Variants in TLR1 observed in about 807,000 individuals in gnomAD.
The protein encoded by TLR1 is toll-like receptor 1.
Under a neutral mutation model 20.2 loss-of-function variants are expected in TLR1, and 19 were observed. The observed-to-expected ratio is 0.94, with a 90% CI of 0.66 to 1.38. TLR1 has a LOEUF of 1.38. Ranked by LOEUF, TLR1 falls within the 40% of genes most tolerant of loss-of-function variation. The pLI, the probability that TLR1 is intolerant of heterozygous loss-of-function variation, is 0.00. For synonymous variants in TLR1, 320 were observed against 334.5 expected, an observed-to-expected ratio of 0.96 and a Z score of 0.47; for missense variants, 921 against 910.0, an observed-to-expected ratio of 1.01 and a Z score of -0.16.
At chr4:38,794,164 A>T (rs1241244918), downstream of TLR1, among the ~76,000 whole-genome samples, 4 of 152,238 alleles carry the variant, frequency 2.6e-5, no homozygotes, top group African/African-American at 9.6e-5. Context: ...AAACGAATAC[A>T]TAACTGCTTG....
chr4:38,795,210 G>A (rs1385273582), downstream of TLR1, among the ~76,000 whole-genome samples: 1 of 152,222 alleles, frequency 6.6e-6, no homozygotes, highest in Non-Finnish European at 1.5e-5. Flanking sequence ...GTTTGTGCAT[G>A]TATCAGAATG....
chr4:38,788,746 T>G (rs574466215), downstream of TLR1, among the ~76,000 whole-genome samples: 1 of 152,274 alleles, frequency 6.6e-6, no homozygotes, highest in African/African-American at 2.4e-5. Flanking sequence ...CAGTGACTCG[T>G]GTGTAATCCC....
chr4:38,800,165 T>C (rs1297961764), intron 3 of TLR1, among the ~76,000 whole-genome samples: 2 of 152,154 alleles, frequency 1.3e-5, no homozygotes, highest in Admixed American at 1.3e-4. Flanking sequence ...ACAGCATTTC[T>C]GGCAAAAGAA....
At chr4:38,788,979 A>T (rs1725659598), downstream of TLR1, among the ~76,000 whole-genome samples, 1 of 152,204 alleles carries the variant, frequency 6.6e-6, no homozygotes, top group Non-Finnish European at 1.5e-5. Context: ...GCACTCCAGC[A>T]CAAGTGGCAC....
In TLR1 at chr4:38,797,811, T is replaced by TGTG; in HGVS notation, c.1018_1020dup (p.His340dup). The TGTG allele has an allele frequency of 6.2e-7, 1 of 1,614,192 alleles. No homozygotes were observed. The highest frequency in any genetic ancestry group is 8.5e-7 in the Non-Finnish European group (1 of 1,180,006). On this transcript the variant is annotated inframe_insertion, in exon 4 of 4. Transcript: ENST00000308979. ...GGGCTAATTTTGGATGGGCAAAGCATGTGGACCATGCGTGTACCAGACACT... is the reference window on the plus strand; with the variant it reads ...GGGCTAATTTTGGATGGGCAAAGCATGTGGTGGACCATGCGTGTACCAGACACT...
downstream of TLR1, among the ~76,000 whole-genome samples, chr4:38,788,075 C>A (rs1579190233): frequency 1.3e-5 from 2 of 151,682 alleles, no homozygotes; most frequent in South Asian, 2.1e-4. Context: ...ATATGTGTAT[C>A]TATTAGAAGT....
In TLR1 at chr4:38,797,785, C is replaced by G; in HGVS notation, c.1047G>C (p.Pro349=). 1.2e-6 allele frequency: 2 copies of G among 1,614,098 alleles called. No homozygotes were observed. Among genetic ancestry groups the G allele is most frequent in the Non-Finnish European group, 1.7e-6 (2 of 1,180,002 alleles). Residue 349 remains proline, a synonymous_variant, in exon 4 of 4, where the codon CCG becomes CCC. Transcript: ENST00000308979. ...TATTGGAAAAATCCAAATGCAGGAA[C>G]GGGCTAATTTTGGATGGGCAAAGCA... The part of the protein sequence containing the change: ...VHMLCPSKIS[P]FLHLDFSNNL...
chr4:38,788,607 C>G (rs1047193229), downstream of TLR1, among the ~76,000 whole-genome samples: 1 of 152,156 alleles, frequency 6.6e-6, no homozygotes, highest in Non-Finnish European at 1.5e-5. Context: ...CTAGAGCCAG[C>G]TTATACCAGC....
downstream of TLR1, among the ~76,000 whole-genome samples, chr4:38,789,980 C>G (rs1345961155): frequency 6.6e-6 from 1 of 152,092 alleles, no homozygotes; most frequent in Non-Finnish European, 1.5e-5. Context: ...TGTTAGTTTT[C>G]AATGCTTCTA....
intron 2 of TLR1, among the ~76,000 whole-genome samples, chr4:38,803,813 T>C (rs771875493): frequency 1.3e-5 from 2 of 152,246 alleles, no homozygotes; most frequent in African/African-American, 2.4e-5. Flanking sequence ...AATTTGAAAG[T>C]GTAAAATGCC....
chr4:38,788,379 T>G (rs1355971860), downstream of TLR1, among the ~76,000 whole-genome samples: 1 of 152,206 alleles, frequency 6.6e-6, no homozygotes, highest in African/African-American at 2.4e-5. Flanking sequence ...CTAGGTATTA[T>G]TATAACTTTA....
chr4:38,797,317 T>C lies in TLR1; in HGVS notation c.1515A>G (p.Pro505=), dbSNP rs756702006. 111 of 1,614,164 alleles carry C rather than the reference T, an allele frequency of 6.9e-5. 1 individual carries two copies. In the South Asian group the frequency reaches 1.2e-3, roughly 17 times the overall value. Residue 505 remains proline, a synonymous_variant, in exon 4 of 4, where the codon CCA becomes CCG. Transcript: ENST00000308979. ...GGCAGCTCTGGAAGAAATCAGCCGA[T>C]GGGTGGGAAACTGAATTGTGATCAA... is the stretch of plus-strand genomic sequence containing the variant. ...LIIDHNSVSH[P]SADFFQSCQK...
chr4:38,787,800 C>T (rs183761662), downstream of TLR1, among the ~76,000 whole-genome samples: 178 of 152,260 alleles, frequency 1.2e-3, 1 homozygote, highest in African/African-American at 4.1e-3. Context: ...ATTACACAAA[C>T]AGGACTAGAG....
chr4:38,793,413 C>A (rs571235296), downstream of TLR1, among the ~76,000 whole-genome samples: 1 of 152,266 alleles, frequency 6.6e-6, no homozygotes, highest in Admixed American at 6.5e-5. Context: ...AATTGAAACC[C>A]AGACTTGATT....
chr4:38,797,489 T>A lies in TLR1; in HGVS notation c.1343A>T (p.Lys448Met). 6.2e-7 allele frequency: 1 copy of A among 1,614,194 alleles called. No individual in the cohort carries two copies. Among genetic ancestry groups the A allele is most frequent in the Non-Finnish European group, 8.5e-7 (1 of 1,180,034 alleles). Residue 448 changes from lysine to methionine, a missense_variant, in exon 4 of 4, where the codon AAG becomes ATG. Lys to Met is a moderately conservative substitution (Grantham distance 95). Transcript: ENST00000308979. ...TIFRCLPPRI[K>M]VLDLHSNKIK... ...TTTATTGCTGTGAAGATCAAGTACC[T>A]TGATCCTGGGAGGTAAACATCTGAA...
chr4:38,797,092 A>G lies in TLR1; in HGVS notation c.1740T>C (p.Thr580=). The G allele has an allele frequency of 3.1e-6, 5 of 1,614,210 alleles. No homozygotes were observed. Among genetic ancestry groups the G allele is most frequent in the Non-Finnish European group, 2.5e-6 (3 of 1,180,044 alleles). The change falls in exon 4 of 4, where the codon ACT becomes ACC. Residue 580 remains threonine (T), a synonymous_variant. Coordinates refer to ENST00000308979, the MANE Select transcript of TLR1 (RefSeq NM_003263.4). ...FHMSELSCNI[T]LLIVTIVATM... ...TGGCAACGATGGTGACGATCAGCAG[A>G]GTTATGTTGCAGGATAATTCAGACA... is the stretch of plus-strand genomic sequence containing the variant.
downstream of TLR1, among the ~76,000 whole-genome samples, chr4:38,792,986 T>C (rs1013521771): frequency 1.3e-5 from 2 of 151,886 alleles, no homozygotes; most frequent in Non-Finnish European, 2.9e-5. Flanking sequence ...TCAATTTTGG[T>C]GGAGGTCCCC....
downstream of TLR1, among the ~76,000 whole-genome samples, chr4:38,789,476 T>TTATTC (rs1413540696): frequency 6.6e-6 from 1 of 151,262 alleles, no homozygotes; most frequent in African/African-American, 2.5e-5. Context: ...TTTTTTTTTC[T>TTATTC]TTTTCTTTTC....
Position 38,797,267 on chromosome 4 carries a change from C to G in TLR1, c.1565G>C (p.Gly522Ala), listed in dbSNP as rs368881067. The G allele has an allele frequency of 1.6e-4, 254 of 1,614,034 alleles. No individual in the cohort carries two copies. The highest frequency in any genetic ancestry group is 2.1e-4 in the Non-Finnish European group (249 of 1,180,032). Residue 522 changes from glycine to alanine, a missense_variant, in exon 4 of 4, where the codon GGG becomes GCG. Gly to Ala is a moderately conservative substitution (Grantham distance 60). Coordinates refer to ENST00000308979, the MANE Select transcript of TLR1 (RefSeq NM_003263.4). ...ACAGGTACATTGGAATGGATTGTCC[C>G]CTGCTTTTATTGACCTCATCTTCTG... ...SCQKMRSIKA[G>A]DNPFQCTCEL...
Sources: gnomAD v4.1 joint callset for allele counts (sites outside exome capture counted in the v4.1 genomes callset) on GRCh38, gnomAD v4.1.1 for gene constraint, MANE v1.5 for transcripts, NCBI Gene and HGNC (gene_info 2026-07-23, HGNC 2026-07-21) for gene names.